The following CAMK4 variants were observed in gnomAD, a reference collection of about 807,000 sequenced individuals.
The protein encoded by CAMK4 is calcium/calmodulin-dependent protein kinase type IV.
In CAMK4, 22 loss-of-function variants were observed where a neutral mutation model predicts 44.9. The ratio of observed to expected loss-of-function variants is 0.49; its 90% CI spans 0.35 to 0.70. The LOEUF (loss-of-function observed/expected upper bound fraction) is 0.70, where lower values mean the gene tolerates loss of function less well. Ranked by LOEUF, CAMK4 falls within the 30% of genes least tolerant of loss-of-function variation. The pLI, the probability that CAMK4 is intolerant of heterozygous loss-of-function variation, is 0.01. For missense variants in CAMK4, 498 were observed against 586.8 expected, an observed-to-expected ratio of 0.85 and a Z score of 1.56; for synonymous variants, 218 against 215.4, an observed-to-expected ratio of 1.01 and a Z score of -0.11.
chr5:111,280,540 G>A (rs1057251173), intron 1 of CAMK4, among the ~76,000 whole-genome samples: 1 of 152,172 alleles, frequency 6.6e-6, no homozygotes, highest in East Asian at 1.9e-4. Context: ...AGATGATAAA[G>A]AACTTGGCAC....
rs573417889 is a variant in CAMK4, at chr5:111,483,263, A to T, written c.981+326A>T. The stretch of plus-strand genomic sequence containing the variant: ...GTTCAGGGAAAACTGATATTTATTC[A>T]GAAAGTTGTTTTCTTTCAGAATATG... On this transcript the variant is annotated intron_variant, in intron 10 of 10. Coordinates refer to ENST00000282356, the MANE Select transcript of CAMK4 (RefSeq NM_001744.6). Among the ~76,000 whole-genome samples, 69 of 152,338 alleles carry T rather than the reference A, an allele frequency of 4.5e-4. 1 individual carries two copies. Among genetic ancestry groups the T allele is most frequent in the Admixed American group, 3.0e-3 (46 of 15,308 alleles).
chr5:111,266,178 CTAAA>C (rs1289210985), intron 1 of CAMK4: 1 of 145,044 alleles, frequency 6.9e-6, no homozygotes. Flanking sequence ...AGAAGGTTTC[CTAAA>C]TAAATATATT....
At chr5:111,450,894 T>C (rs563940698) in intron 7 of CAMK4, among the ~76,000 whole-genome samples, 30 of 152,072 alleles carry the variant, frequency 2.0e-4, no homozygotes, top group Non-Finnish European at 3.7e-4. Flanking sequence ...AGAAGAAGGG[T>C]GATATTTTGA....
intron 2 of CAMK4, among the ~76,000 whole-genome samples, chr5:111,358,835 C>T (rs2112791821): frequency 6.6e-6 from 1 of 152,160 alleles, no homozygotes; most frequent in African/African-American, 2.4e-5. Flanking sequence ...TTTTCTGTTA[C>T]TGTGTTAGTT....
At chr5:111,250,851 C>T (rs1749457195) in intron 1 of CAMK4, among the ~76,000 whole-genome samples, 1 of 152,116 alleles carries the variant, frequency 6.6e-6, no homozygotes, top group Non-Finnish European at 1.5e-5. Context: ...CCTGTGTTGC[C>T]AGGGTGGTCT....
At chr5:111,299,143 G>A (rs1030972691) in intron 1 of CAMK4, among the ~76,000 whole-genome samples, 1 of 152,228 alleles carries the variant, frequency 6.6e-6, no homozygotes, top group African/African-American at 2.4e-5. Context: ...GGAAATGGCT[G>A]CGCTTTAGTC....
chr5:111,343,450 T>G (rs893061461), intron 1 of CAMK4, among the ~76,000 whole-genome samples: 3 of 151,812 alleles, frequency 2.0e-5, no homozygotes, highest in Non-Finnish European at 4.4e-5. Context: ...TCCTGCTTTT[T>G]AATGCTTTCT....
rs147209945 is a variant in CAMK4, at chr5:111,236,026, G to T, written c.161+11382G>T. Among the ~76,000 whole-genome samples, 8 of 152,312 alleles carry T rather than the reference G, an allele frequency of 5.3e-5. No homozygotes were observed. The East Asian group carries it at 1.5e-3, about 29-fold the overall frequency. On this transcript the variant is annotated intron_variant, in intron 1 of 10. Transcript: ENST00000282356. ...TTACTTGACGGCCCTGCCTCTTTGG[G>T]CATAAAGCCCCGCACCTCACTCAGC... is the stretch of plus-strand genomic sequence containing the variant.
Position 111,374,895 on chromosome 5 carries a change from C to A in CAMK4, c.286C>A (p.Leu96Ile), listed in dbSNP as rs1751155635. The part of the protein sequence containing the change: ...VRTEIGVLLR[L>I]SHPNIIKLKE... ...AACTGAGATAGGAGTTCTTCTTCGC[C>A]TCTCACATCCAAACATTGTAAGTGG... The change falls in exon 3 of 11, where the codon CTC (leucine) becomes ATC (isoleucine). Residue 96 changes from leucine to isoleucine, a missense_variant. By Grantham distance (5) the Leu-to-Ile change is conservative. Transcript: ENST00000282356. The A allele has an allele frequency of 1.9e-6, 3 of 1,610,976 alleles. No homozygotes were observed. The highest frequency in any genetic ancestry group is 2.5e-6 in the Non-Finnish European group (3 of 1,177,698).
intron 6 of CAMK4, among the ~76,000 whole-genome samples, chr5:111,447,257 C>T (rs1247863071): frequency 2.0e-5 from 3 of 152,050 alleles, no homozygotes; most frequent in African/African-American, 7.2e-5. Context: ...CTGCCTTTCC[C>T]AAAATGCACT....
At chr5:111,347,826 C>G (rs1383183320) in intron 2 of CAMK4, among the ~76,000 whole-genome samples, 2 of 151,982 alleles carry the variant, frequency 1.3e-5, no homozygotes, top group Non-Finnish European at 2.9e-5. Flanking sequence ...AGGATAATGT[C>G]TGTTTTGAGG....
intron 8 of CAMK4, among the ~76,000 whole-genome samples, chr5:111,478,081 T>C (rs142332067): frequency 6.6e-6 from 1 of 151,018 alleles, no homozygotes; most frequent in East Asian, 1.9e-4. Flanking sequence ...TTATTATTGT[T>C]CTTCTGTGTA....
At chr5:111,322,195 G>A (rs1274790054) in intron 1 of CAMK4, among the ~76,000 whole-genome samples, 1 of 152,096 alleles carries the variant, frequency 6.6e-6, no homozygotes, top group Non-Finnish European at 1.5e-5. Context: ...GACAATGAAT[G>A]ATGAGATTTT....
Position 111,274,946 on chromosome 5 carries a change from A to C in CAMK4, c.161+50302A>C, listed in dbSNP as rs191370142. 9.2e-4 allele frequency among the ~76,000 whole-genome samples: 140 copies of C among 152,204 alleles called. 1 individual carries two copies. The South Asian group carries it at 0.015, about 16-fold the overall frequency. ...GTCCAGTATATTGTTATATCTAACT[A>C]ATTTTCCCCAGTAAATATGATGGTT... On this transcript the variant is annotated intron_variant, in intron 1 of 10. Coordinates refer to ENST00000282356, the MANE Select transcript of CAMK4 (RefSeq NM_001744.6).
intron 5 of CAMK4, among the ~76,000 whole-genome samples, chr5:111,410,948 C>T (rs535329346): frequency 7.9e-5 from 12 of 152,046 alleles, no homozygotes; most frequent in South Asian, 4.1e-4. Context: ...TTGAAATTTC[C>T]AGATTAAAAA....
chr5:111,441,167 C>T (rs11738403), intron 5 of CAMK4, among the ~76,000 whole-genome samples: 50,941 of 151,978 alleles, frequency 0.34, 10,234 homozygotes, highest in Middle Eastern at 0.5. Flanking sequence ...TCTCAATATA[C>T]GTATTTCTGT....
At chr5:111,295,532 A>G (rs959462234) in intron 1 of CAMK4, among the ~76,000 whole-genome samples, 1 of 152,242 alleles carries the variant, frequency 6.6e-6, no homozygotes, top group African/African-American at 2.4e-5. Flanking sequence ...GTAGTGAGCA[A>G]GATGAGCTCA....
At chr5:111,357,861 T>A (rs1382730796) in intron 2 of CAMK4, 1 of 152,060 alleles carries the variant, frequency 6.6e-6, no homozygotes, top group Non-Finnish European at 1.5e-5. Flanking sequence ...CAAGGAAGTA[T>A]TTTTCTTATG....
rs368378696 is a variant in CAMK4, at chr5:111,327,203, C to T, written c.162-16821C>T. Among the ~76,000 whole-genome samples the T allele has an allele frequency of 5.3e-5, 8 of 151,132 alleles. No individual in the cohort carries two copies. The East Asian group carries it at 1.6e-3, about 30-fold the overall frequency. On this transcript the variant is annotated intron_variant, in intron 1 of 10. Transcript: ENST00000282356. The stretch of plus-strand genomic sequence containing the variant: ...TCCCTGGTGTGTGATGTTCCCCTTC[C>T]TGTGTCCATGTGTTCTCGTTGTTCA...
Sources: allele counts gnomAD v4.1 joint callset (sites outside exome capture counted in the v4.1 genomes callset), GRCh38; gene constraint gnomAD v4.1.1; transcripts MANE v1.5; gene names NCBI Gene and HGNC (gene_info 2026-07-23, HGNC 2026-07-21).